Variants in DNAI4 observed in about 807,000 individuals in gnomAD.
DNAI4 encodes the protein dynein axonemal intermediate chain 4.
A neutral mutation model predicts 105.8 loss-of-function variants in DNAI4; 85 were observed. The ratio of observed to expected loss-of-function variants is 0.80; its 90% CI spans 0.67 to 0.96. The LOEUF (loss-of-function observed/expected upper bound fraction) is 0.96. DNAI4 is among the 40% of genes least tolerant of loss of function. The pLI is 0.00. For synonymous variants in DNAI4, 352 were observed against 331.5 expected (o/e 1.06, Z -0.67); for missense variants, 1,014 against 1,005.6 (o/e 1.01, Z -0.11).
At chr1:66,822,053 T>A (rs900804284) in intron 16 of DNAI4, among the ~76,000 whole-genome samples, 1 of 152,172 alleles carries the variant, frequency 6.6e-6, no homozygotes, top group Non-Finnish European at 1.5e-5. Context: ...TCTTTGAATA[T>A]CTTTAAGAAT....
At chr1:66,887,660 T>C (rs903964192) in intron 4 of DNAI4, among the ~76,000 whole-genome samples, 4 of 152,124 alleles carry the variant, frequency 2.6e-5, no homozygotes, top group African/African-American at 9.7e-5. Flanking sequence ...GATCATCACT[T>C]CCTAGTTATG....
intron 5 of DNAI4, among the ~76,000 whole-genome samples, chr1:66,872,217 A>AT (rs34323265): frequency 0.018 from 2,087 of 117,478 alleles, 38 homozygotes; most frequent in African/African-American, 0.036. Context: ...TTATTTATTT[A>AT]TTATTTATTT....
At chr1:66,842,380 T>G (rs1416933038) in intron 8 of DNAI4, among the ~76,000 whole-genome samples, 1 of 152,086 alleles carries the variant, frequency 6.6e-6, no homozygotes, top group Non-Finnish European at 1.5e-5. Context: ...GTTTGGGTTT[T>G]TTTGTTTGTT....
chr1:66,876,732 G>A (rs1445288705), intron 4 of DNAI4, among the ~76,000 whole-genome samples: 2 of 152,062 alleles, frequency 1.3e-5, no homozygotes. Flanking sequence ...CAGATTTTGA[G>A]TACACCTCTC....
intron 10 of DNAI4, among the ~76,000 whole-genome samples, chr1:66,836,198 AAGAAAGAAAGAGAG>A (rs1449148989): frequency 0.048 from 3,006 of 62,946 alleles, 119 homozygotes; most frequent in Middle Eastern, 0.12. Context: ...GAAAGAAAGA[AAGAAAGAAAGAGAG>A]AGAGAGAGAG....
intron 4 of DNAI4, among the ~76,000 whole-genome samples, chr1:66,875,161 G>T (rs557017702): frequency 1.3e-5 from 2 of 152,126 alleles, no homozygotes; most frequent in South Asian, 4.1e-4. Context: ...GCCTACCCCA[G>T]TCTAATACCA....
chr1:66,876,343 T>TA (rs1646958340), intron 4 of DNAI4, among the ~76,000 whole-genome samples: 1 of 152,184 alleles, frequency 6.6e-6, no homozygotes, highest in South Asian at 2.1e-4. Context: ...TTCTTACTGT[T>TA]AGACCACCAG....
chr1:66,823,293 T>A (rs1161477928), intron 15 of DNAI4, among the ~76,000 whole-genome samples: 1 of 151,332 alleles, frequency 6.6e-6, no homozygotes, highest in African/African-American at 2.4e-5. Flanking sequence ...CACATTTTCT[T>A]AATCCAGTCT....
chr1:66,864,716 C>A (rs1195871396), intron 6 of DNAI4, among the ~76,000 whole-genome samples: 1 of 152,144 alleles, frequency 6.6e-6, no homozygotes, highest in Non-Finnish European at 1.5e-5. Flanking sequence ...TGGCGGACAC[C>A]TATAGACCCA....
At chr1:66,827,696 T>A (rs558900414) in intron 14 of DNAI4, 116 bp downstream of exon 14, 1 of 491,824 alleles carries the variant, frequency 2.0e-6, no homozygotes, top group Non-Finnish European at 3.6e-6. Context: ...TAATTCAAGA[T>A]GGTATTTTTA....
At chr1:66,905,502 T>C (rs1649175802) in intron 1 of DNAI4, 127 bp from the exon 2 acceptor site, 4 of 553,788 alleles carry the variant, frequency 7.2e-6, no homozygotes, top group Non-Finnish European at 1.1e-5. Context: ...GAAATAATGA[T>C]AACTATTTGA....
intron 1 of DNAI4, among the ~76,000 whole-genome samples, chr1:66,912,435 C>T (rs1649729077): frequency 6.6e-6 from 1 of 151,858 alleles, no homozygotes; most frequent in Admixed American, 6.6e-5. Flanking sequence ...CACCATTGCA[C>T]TCCAGCTTGG....
chr1:66,876,281 G>A (rs1472188352), intron 4 of DNAI4, among the ~76,000 whole-genome samples: 1 of 152,044 alleles, frequency 6.6e-6, no homozygotes, highest in African/African-American at 2.4e-5. Context: ...AGTCCACACA[G>A]GAATACTAAC....
At chr1:66,827,682 C>A (rs1645784309) in intron 14 of DNAI4, 130 bp downstream of exon 14, 2 of 441,374 alleles carry the variant, frequency 4.5e-6, no homozygotes, top group Admixed American at 8.3e-5. Flanking sequence ...TAGAAGAAAA[C>A]ACTTAATTCA....
chr1:66,889,164 T>C (rs901496956), intron 4 of DNAI4, among the ~76,000 whole-genome samples: 8 of 152,174 alleles, frequency 5.3e-5, no homozygotes, highest in Non-Finnish European at 1.0e-4. Context: ...AATAATATAA[T>C]TAATAGAAAG....
At chr1:66,822,596 T>C (rs1645654313) in intron 15 of DNAI4, 79 bp from the exon 16 acceptor site, 3 of 1,257,418 alleles carry the variant, frequency 2.4e-6, no homozygotes, top group East Asian at 2.7e-5. Context: ...AAATTTGACA[T>C]TTTTTAAATT....
At chr1:66,901,364 G>T (rs925236503) in intron 2 of DNAI4, among the ~76,000 whole-genome samples, 1 of 151,834 alleles carries the variant, frequency 6.6e-6, no homozygotes, top group African/African-American at 2.4e-5. Flanking sequence ...CAGTGCTTTA[G>T]CTGTATCCCA....
intron 4 of DNAI4, among the ~76,000 whole-genome samples, chr1:66,888,430 C>A (rs1306446607): frequency 6.6e-6 from 1 of 152,172 alleles, no homozygotes; most frequent in African/African-American, 2.4e-5. Flanking sequence ...CGTGGTGGCT[C>A]ACGCCTGTAA....
At chr1:66,918,707 C>G (rs769177082) in intron 1 of DNAI4, among the ~76,000 whole-genome samples, 10 of 152,162 alleles carry the variant, frequency 6.6e-5, no homozygotes, top group Admixed American at 5.2e-4. Flanking sequence ...CCTAACCCAT[C>G]TAGGAACAAA....
Sources: allele counts gnomAD v4.1 joint callset (sites outside exome capture counted in the v4.1 genomes callset), GRCh38; gene constraint gnomAD v4.1.1; transcripts MANE v1.5; gene names NCBI Gene and HGNC (gene_info 2026-07-23, HGNC 2026-07-21).